The following HMGA2 variants were observed in gnomAD, a reference collection of about 807,000 sequenced individuals.
The protein encoded by HMGA2 is high mobility group protein HMGI-C.
HMGA2 carries 8 observed loss-of-function variants against 19.1 expected under a neutral mutation model. The observed-to-expected ratio is 0.42, with a 90% confidence interval of 0.25 to 0.76. The LOEUF (loss-of-function observed/expected upper bound fraction) is 0.76. HMGA2 is among the 30% of genes least tolerant of loss of function. The pLI is 0.28. For synonymous variants in HMGA2, 60 were observed against 48.8 expected, an observed-to-expected ratio of 1.23 and a Z score of -0.96; for missense variants, 109 against 136.3, an observed-to-expected ratio of 0.80 and a Z score of 1.00.
rs2120806092 is a variant in HMGA2 at position 65,825,162 on chromosome 12, C to T, written c.-109C>T. On this transcript the variant is annotated 5_prime_UTR_variant, in exon 1 of 5. Coordinates refer to ENST00000403681, the MANE Select transcript of HMGA2 (RefSeq NM_003483.6). This position sits in a 1 kb window ranked among gnomAD's most constrained non-coding sequence, Gnocchi z 4.4. ...TCGCAGCCCGCCAGCTCGCGCTCGC[C>T]CCGCCGGCGTCCCCAGCCCTATCAC... 1 of 947,732 alleles carries T rather than the reference C, an allele frequency of 1.1e-6. No individual in the cohort carries two copies. The highest frequency in any genetic ancestry group is 3.2e-5 in the East Asian group (1 of 31,286). The allele number at this position is 947,732 out of a possible 1,614,324, so 58.7% of individuals were successfully genotyped here.
chr12:65,917,742 A>G (rs1306020386), intron 3 of HMGA2, among the ~76,000 whole-genome samples: 1 of 152,250 alleles, frequency 6.6e-6, no homozygotes, highest in East Asian at 1.9e-4. Flanking sequence ...GGAGCCCTAG[A>G]TCTGTGGGTT....
chr12:65,959,225 G>T (rs887117096), intron 4 of HMGA2, among the ~76,000 whole-genome samples: 2 of 152,084 alleles, frequency 1.3e-5, no homozygotes, highest in East Asian at 3.8e-4. Flanking sequence ...GTACCCAAAG[G>T]TATATATACC....
chr12:65,869,401 A>G (rs1333054928), intron 3 of HMGA2, among the ~76,000 whole-genome samples: 2 of 152,208 alleles, frequency 1.3e-5, no homozygotes, highest in African/African-American at 2.4e-5. Flanking sequence ...TGGTTGATGG[A>G]GCCTCAATTA....
intron 3 of HMGA2, among the ~76,000 whole-genome samples, chr12:65,888,916 C>G (rs1873788338): frequency 6.6e-6 from 1 of 151,950 alleles, no homozygotes. Flanking sequence ...AGGGACCACC[C>G]TCCCGTTAGA....
chr12:65,913,983 G>A (rs1040029827), intron 3 of HMGA2, among the ~76,000 whole-genome samples: 4 of 152,282 alleles, frequency 2.6e-5, no homozygotes, highest in Non-Finnish European at 4.4e-5. Flanking sequence ...CCTGCAACAT[G>A]CTTTTTAAAA....
At position 65,842,073 on chromosome 12, in the gene HMGA2, C is replaced by A. The variant is rs773049347; in HGVS notation, c.249+3504C>A. ...AGGTGGTCTGATTTTCATGTGTGTGCGTGTGTGTGTAGAAGAGGCTAGAGG... is the reference window on the plus strand; with the variant it reads ...AGGTGGTCTGATTTTCATGTGTGTGAGTGTGTGTGTAGAAGAGGCTAGAGG... On this transcript the variant is annotated intron_variant, in intron 3 of 4. Coordinates refer to ENST00000403681, the MANE Select transcript of HMGA2 (RefSeq NM_003483.6). 3.1e-6 allele frequency: 4 copies of A among 1,281,430 alleles called. No homozygotes were observed. The African/African-American group carries it at 4.6e-5, about 15-fold the overall frequency. 79.4% of individuals were successfully genotyped at this position (1,281,430 alleles called of 1,614,324 possible).
intron 3 of HMGA2, among the ~76,000 whole-genome samples, chr12:65,880,750 G>A (rs1266169199): frequency 1.2e-4 from 18 of 152,112 alleles, no homozygotes; most frequent in Admixed American, 9.8e-4. Context: ...TATTCCAGGA[G>A]TCTAGGTCTT....
At chr12:65,870,334 A>G (rs1448897544) in intron 3 of HMGA2, among the ~76,000 whole-genome samples, 3 of 152,120 alleles carry the variant, frequency 2.0e-5, no homozygotes, top group Non-Finnish European at 1.5e-5. Flanking sequence ...ATAGTAAAAA[A>G]CAATATGTGA....
At chr12:65,842,475 C>T in intron 3 of HMGA2, 1 of 832,230 alleles carries the variant, frequency 1.2e-6, no homozygotes, top group South Asian at 1.6e-5. Context: ...TCAGACTAAC[C>T]AAGTACCCTT....
chr12:65,902,297 A>G (rs1024393441), intron 3 of HMGA2, among the ~76,000 whole-genome samples: 2 of 152,188 alleles, frequency 1.3e-5, no homozygotes, highest in Admixed American at 1.3e-4. Context: ...AACAATATCG[A>G]ACACCTGTTA....
chr12:65,883,862 C>T (rs1341614710), intron 3 of HMGA2, among the ~76,000 whole-genome samples: 2 of 152,140 alleles, frequency 1.3e-5, no homozygotes, highest in African/African-American at 2.4e-5. Flanking sequence ...AAAATAATCT[C>T]GTGGTTCGGT....
chr12:65,907,795 T>G (rs1162066267), intron 3 of HMGA2, among the ~76,000 whole-genome samples: 1 of 152,134 alleles, frequency 6.6e-6, no homozygotes, highest in Non-Finnish European at 1.5e-5. Flanking sequence ...GTGGTAGACA[T>G]GGGATTAAGC....
At chr12:65,853,317 T>C (rs544413860) in intron 3 of HMGA2, among the ~76,000 whole-genome samples, 3 of 152,190 alleles carry the variant, frequency 2.0e-5, no homozygotes. Context: ...CTGTTCAAGT[T>C]TAAATCTGTT....
intron 3 of HMGA2, among the ~76,000 whole-genome samples, chr12:65,861,614 C>A (rs1872073158): frequency 1.5e-5 from 2 of 134,326 alleles, no homozygotes; most frequent in African/African-American, 6.2e-5. Flanking sequence ...TTGATTTATC[C>A]TAAATTGGTA....
intron 3 of HMGA2, among the ~76,000 whole-genome samples, chr12:65,947,611 C>T (rs1876313797): frequency 6.6e-6 from 1 of 152,186 alleles, no homozygotes. Context: ...CTCAAAATCT[C>T]AGTGCATTGA....
chr12:65,930,130 T>G (rs1875656750), intron 3 of HMGA2, among the ~76,000 whole-genome samples: 1 of 152,240 alleles, frequency 6.6e-6, no homozygotes, highest in Non-Finnish European at 1.5e-5. Context: ...GCAACTCCTT[T>G]GTTTCTTAAT....
At chr12:65,849,002 T>C (rs1871344037) in intron 3 of HMGA2, among the ~76,000 whole-genome samples, 1 of 152,248 alleles carries the variant, frequency 6.6e-6, no homozygotes, top group South Asian at 2.1e-4. Flanking sequence ...ATAATAACTG[T>C]ATGTGCATGG....
rs147530335 is a variant in HMGA2 at position 65,857,816 on chromosome 12, C to T, written c.249+19247C>T. 3.9e-5 allele frequency: 6 copies of T among 152,362 alleles called. No homozygotes were observed. The East Asian group carries it at 1.2e-3, about 29-fold the overall frequency. The allele number at this position is 152,362 out of a possible 1,614,324, so 9.4% of individuals were successfully genotyped here. A position where few individuals can be genotyped will look rare whatever the true frequency, so the allele number is the denominator to read the frequency against. Reference sequence around the variant, plus strand: ...CTTTTAGCTTCAAATATACCTCTTCCCATAAGGCTAGTCCCCATTTCCTAT... The same window carrying T: ...CTTTTAGCTTCAAATATACCTCTTCTCATAAGGCTAGTCCCCATTTCCTAT... On this transcript the variant is annotated intron_variant, in intron 3 of 4. Transcript: ENST00000403681.
At chr12:65,890,374 G>A (rs1165942424) in intron 3 of HMGA2, among the ~76,000 whole-genome samples, 1 of 152,044 alleles carries the variant, frequency 6.6e-6, no homozygotes, top group Non-Finnish European at 1.5e-5. Flanking sequence ...TAAATTAATA[G>A]GTGTTAGCTT....
Sources: gnomAD v4.1 joint callset for allele counts (sites outside exome capture counted in the v4.1 genomes callset) on GRCh38, gnomAD v4.1.1 for gene constraint, Gnocchi (gnomAD v3.1) non-coding constraint, MANE v1.5 for transcripts, NCBI Gene and HGNC (gene_info 2026-07-23, HGNC 2026-07-21) for gene names.